Variants in BEND6 observed in about 807,000 individuals in gnomAD.
BEND6 encodes the protein BEN domain containing 6.
BEND6 carries 24 observed loss-of-function variants against 31.8 expected under a neutral mutation model. The ratio of observed to expected loss-of-function variants is 0.75; its 90% CI spans 0.55 to 1.06. The LOEUF is 1.06. BEND6 is among the 50% of genes least tolerant of loss of function. The probability of loss-of-function intolerance (pLI) is 0.00; values close to 1 mark genes in which losing one functional copy is unlikely to be tolerated. For synonymous variants in BEND6, 109 were observed against 114.6 expected, an observed-to-expected ratio of 0.95 and a Z score of 0.31; for missense variants, 294 against 327.4, an observed-to-expected ratio of 0.90 and a Z score of 0.79.
intron 2 of BEND6, among the ~76,000 whole-genome samples, chr6:56,984,534 T>C (rs1370387057): frequency 6.6e-6 from 1 of 152,204 alleles, no homozygotes; most frequent in Non-Finnish European, 1.5e-5. Context: ...TTAGGGAAAC[T>C]CAAGGATTGC....
rs767720002 is a variant in BEND6, at chr6:57,026,294, A to G, written c.*222A>G. ...CCACCCTCAGTACTAGTGATGCATCAAACCAGAGAATTTCTGCCAGTCAAA... is the reference window on the plus strand; with the variant it reads ...CCACCCTCAGTACTAGTGATGCATCGAACCAGAGAATTTCTGCCAGTCAAA... On this transcript the variant is annotated 3_prime_UTR_variant, in exon 7 of 7. Transcript: ENST00000370746. 4 of 152,214 alleles carry G rather than the reference A, an allele frequency of 2.6e-5. No homozygotes were observed. Among genetic ancestry groups the G allele is most frequent in the African/African-American group, 4.8e-5 (2 of 41,442 alleles). The allele number at this position is 152,214 out of a possible 1,614,324, so 9.4% of individuals were successfully genotyped here.
intron 2 of BEND6, among the ~76,000 whole-genome samples, chr6:56,987,529 G>C (rs1826327187): frequency 6.6e-6 from 1 of 152,076 alleles, no homozygotes; most frequent in African/African-American, 2.4e-5. Context: ...TGCTGTTCTG[G>C]GATTGCCCCC....
At chr6:57,025,529 T>C (rs1218732634) in intron 6 of BEND6, among the ~76,000 whole-genome samples, 3 of 152,178 alleles carry the variant, frequency 2.0e-5, no homozygotes, top group African/African-American at 7.2e-5. Context: ...ATATCCTGGT[T>C]ATGTGAAAAG....
intron 1 of BEND6, among the ~76,000 whole-genome samples, chr6:56,977,271 T>C (rs991267602): frequency 6.6e-6 from 1 of 152,252 alleles, no homozygotes; most frequent in African/African-American, 2.4e-5. Context: ...TCAGTTTTTA[T>C]TGTTTCTTAA....
intron 2 of BEND6, among the ~76,000 whole-genome samples, chr6:56,984,757 G>A (rs535966927): frequency 3.3e-5 from 5 of 152,036 alleles, no homozygotes; most frequent in Non-Finnish European, 7.3e-5. Flanking sequence ...ATTTATGACA[G>A]TTATCTAAAC....
chr6:57,004,662 T>C (rs1361692303), intron 3 of BEND6: 4 of 1,393,534 alleles, frequency 2.9e-6, no homozygotes, highest in Admixed American at 3.4e-5. Context: ...GGGCATTACA[T>C]TTGGAAAAAA....
intron 5 of BEND6, among the ~76,000 whole-genome samples, chr6:57,017,839 G>A (rs1256237603): frequency 6.6e-6 from 1 of 152,096 alleles, no homozygotes; most frequent in Non-Finnish European, 1.5e-5. Flanking sequence ...GGCAACATCT[G>A]ACAAATGTAA....
chr6:56,981,710 G>A lies in BEND6; in HGVS notation c.-100-1G>A. On this transcript the variant is annotated splice_acceptor_variant, in intron 1 of 6. Transcript: ENST00000370746. LOFTEE classifies it low-confidence loss of function (5UTR_SPLICE). The stretch of plus-strand genomic sequence containing the variant: ...GTCATGTTTTTGTTTTTGTTTTTAA[G>A]GGAAAGCATTAACTTTTGAGCTACG... The A allele has an allele frequency of 2.2e-6, 3 of 1,387,190 alleles. No individual in the cohort carries two copies. Among genetic ancestry groups the A allele is most frequent in the Non-Finnish European group, 3.0e-6 (3 of 1,015,222 alleles). 85.9% of individuals were successfully genotyped at this position (1,387,190 alleles called of 1,614,324 possible). A position where few individuals can be genotyped will look rare whatever the true frequency, so the allele number is the denominator to read the frequency against.
chr6:56,987,227 A>G (rs1429581963), intron 2 of BEND6, among the ~76,000 whole-genome samples: 2 of 151,080 alleles, frequency 1.3e-5, no homozygotes, highest in African/African-American at 4.9e-5. Context: ...TGATCTGCCC[A>G]CCTCCGCCTC....
intron 2 of BEND6, among the ~76,000 whole-genome samples, chr6:56,984,238 CAAAGAAA>C (rs1206395461): frequency 6.8e-6 from 1 of 148,134 alleles, no homozygotes; most frequent in Non-Finnish European, 1.5e-5. Context: ...AAAAAAAAAG[CAAAGAAA>C]AAAGAAAAAA....
At chr6:56,976,257 G>A (rs1232265396) in intron 1 of BEND6, among the ~76,000 whole-genome samples, 6 of 144,798 alleles carry the variant, frequency 4.1e-5, no homozygotes, top group Admixed American at 1.4e-4. Context: ...GTGCAGTGGC[G>A]CGATCTCGAC....
chr6:56,967,365 T>C (rs1446335523), intron 1 of BEND6, among the ~76,000 whole-genome samples: 1 of 152,154 alleles, frequency 6.6e-6, no homozygotes, highest in Non-Finnish European at 1.5e-5. Flanking sequence ...AGGAAAGGCA[T>C]GGTTATTGCA....
At chr6:56,956,402 C>T (rs1319850448) in intron 1 of BEND6, among the ~76,000 whole-genome samples, 8 of 152,150 alleles carry the variant, frequency 5.3e-5, no homozygotes, top group Admixed American at 2.6e-4. Context: ...TGCATGAAAG[C>T]TTAATCATTG....
At chr6:57,008,316 T>C (rs781630314) in intron 3 of BEND6, 10 of 694,286 alleles carry the variant, frequency 1.4e-5, no homozygotes, top group Middle Eastern at 2.3e-4. Flanking sequence ...TTGCTCCAGG[T>C]TGGGCAGAAG....
At chr6:56,985,632 C>T (rs879030665) in intron 2 of BEND6, among the ~76,000 whole-genome samples, 4 of 152,168 alleles carry the variant, frequency 2.6e-5, no homozygotes, top group Non-Finnish European at 5.9e-5. Context: ...CACTGAGCCA[C>T]GTGGGAGTCA....
At chr6:57,021,310 T>A (rs748674203) in intron 6 of BEND6, among the ~76,000 whole-genome samples, 1 of 152,232 alleles carries the variant, frequency 6.6e-6, no homozygotes, top group Non-Finnish European at 1.5e-5. Context: ...AATACTGTTA[T>A]ATTTTTCTGT....
intron 3 of BEND6, among the ~76,000 whole-genome samples, chr6:57,011,742 A>G (rs1438548893): frequency 6.8e-6 from 1 of 147,850 alleles, no homozygotes; most frequent in Non-Finnish European, 1.5e-5. Flanking sequence ...AAAAGAAAAA[A>G]AAAGAAAAGA....
intron 2 of BEND6, among the ~76,000 whole-genome samples, chr6:56,985,838 A>G (rs1248566097): frequency 6.6e-6 from 1 of 152,182 alleles, no homozygotes; most frequent in East Asian, 1.9e-4. Context: ...ATTGATTTGC[A>G]CTAATACCTT....
At chr6:57,007,868 G>A (rs1253556512) in intron 3 of BEND6, among the ~76,000 whole-genome samples, 2 of 152,054 alleles carry the variant, frequency 1.3e-5, no homozygotes, top group Non-Finnish European at 2.9e-5. Flanking sequence ...GTTTTCTGGA[G>A]GCCCAATAAC....
Sources: allele counts gnomAD v4.1 joint callset (sites outside exome capture counted in the v4.1 genomes callset), GRCh38; gene constraint gnomAD v4.1.1; transcripts MANE v1.5; gene names NCBI Gene and HGNC (gene_info 2026-07-23, HGNC 2026-07-21).